SH3TC2: variants seen among roughly 807,000 people sequenced by gnomAD.
SH3TC2 encodes SH3 domain and tetratricopeptide repeats 2, also known as SH3 domain and tetratricopeptide repeat-containing protein 2.
In SH3TC2, 87 loss-of-function variants were observed where a neutral mutation model predicts 124.5. That is an observed-to-expected ratio of 0.70 (90% confidence interval 0.59 to 0.84). The LOEUF is 0.84. SH3TC2 is among the 40% of genes least tolerant of loss of function. SH3TC2 has a pLI of 0.00. For synonymous variants in SH3TC2, 634 were observed against 628.5 expected, an observed-to-expected ratio of 1.01 and a Z score of -0.13; for missense variants, 1,536 against 1,566.4, an observed-to-expected ratio of 0.98 and a Z score of 0.33.
chr5:149,010,543 T>G, intron 13 of SH3TC2, 151 bp from the exon 14 acceptor site: 1 of 1,017,796 alleles, frequency 9.8e-7, no homozygotes, highest in Admixed American at 2.3e-5. Flanking sequence ...CTAGGGCTGG[T>G]AAGAGGACTT....
Position 149,007,025 on chromosome 5 carries a change from G to C in SH3TC2, c.3531C>G (p.Tyr1177Ter). 6.2e-7 allele frequency: 1 copy of C among 1,614,218 alleles called. No homozygotes were observed. The highest frequency in any genetic ancestry group is 8.5e-7 in the Non-Finnish European group (1 of 1,180,034). Residue 1177 changes from tyrosine (Y) to a stop codon, truncating the protein, a stop_gained, in exon 16 of 17, where the codon TAC becomes TAG. Coordinates refer to ENST00000515425, the MANE Select transcript of SH3TC2 (RefSeq NM_024577.4). LOFTEE classifies it high-confidence loss of function. ...VAFHRLATVY[Y>*]SLHMYEMAED... is the part of the protein sequence containing the mutation. ...CAGCCATCTCATACATGTGCAGGGA[G>C]TAGTACACTGTAGCCAGGCGGTGAA...
At chr5:149,022,987 T>G (rs7702695) in intron 12 of SH3TC2, among the ~76,000 whole-genome samples, 1 of 152,108 alleles carries the variant, frequency 6.6e-6, no homozygotes, top group Non-Finnish European at 1.5e-5. Context: ...ACTGTGTGAA[T>G]ATACTGAAAA....
At chr5:149,060,471 T>C (rs1754727617) in intron 1 of SH3TC2, among the ~76,000 whole-genome samples, 1 of 152,006 alleles carries the variant, frequency 6.6e-6, no homozygotes, top group Non-Finnish European at 1.5e-5. Flanking sequence ...GTGCCTGGAG[T>C]AGTCAGAGTC....
In SH3TC2 at chr5:149,007,327, G is replaced by A. The variant is rs1256829621; in HGVS notation, c.3479-250C>T. Reference sequence around the variant, plus strand: ...TAAATGCTACAAAAGAAAATGCAGGGCTCTATAAGAGTGACTAAGTAGAGG... The same window carrying A: ...TAAATGCTACAAAAGAAAATGCAGGACTCTATAAGAGTGACTAAGTAGAGG... On this transcript the variant is annotated intron_variant, in intron 15 of 16. Transcript: ENST00000515425. 1.1e-5 allele frequency: 7 copies of A among 618,440 alleles called. No homozygotes were observed. In the East Asian group the frequency reaches 1.9e-4, roughly 17 times the overall value. The allele number at this position is 618,440 out of a possible 1,614,324, so 38.3% of individuals were successfully genotyped here. A position where few individuals can be genotyped will look rare whatever the true frequency, so the allele number is the denominator to read the frequency against.
At chr5:149,008,585 T>G (rs546401894) in intron 15 of SH3TC2, 100 of 536,916 alleles carry the variant, frequency 1.9e-4, no homozygotes, top group Middle Eastern at 5.2e-4. Context: ...GTACCCAGGA[T>G]TGTGCTATGG....
intron 12 of SH3TC2, among the ~76,000 whole-genome samples, chr5:149,023,726 GC>G (rs1754017142): frequency 6.6e-6 from 1 of 151,842 alleles, no homozygotes; most frequent in African/African-American, 2.4e-5. Flanking sequence ...GGGATTACAG[GC>G]ACCCACCACC....
At position 148,991,168 on chromosome 5, in the gene SH3TC2, G is replaced by T. The variant is rs1753414152; in HGVS notation, c.*13543C>A. 6.6e-6 allele frequency among the ~76,000 whole-genome samples: 1 copy of T among 152,056 alleles called. No individual in the cohort carries two copies. Among genetic ancestry groups the T allele is most frequent in the Non-Finnish European group, 1.5e-5 (1 of 68,014 alleles). On this transcript the variant is annotated 3_prime_UTR_variant, in exon 17 of 17. Coordinates refer to ENST00000515425, the MANE Select transcript of SH3TC2 (RefSeq NM_024577.4). Reference sequence around the variant, plus strand: ...GCAAAAGACCAATAACTACACATGGGGTAGAAATTAACATATGTAGAGGAC... The same window carrying T: ...GCAAAAGACCAATAACTACACATGGTGTAGAAATTAACATATGTAGAGGAC...
At position 148,990,198 on chromosome 5, in the gene SH3TC2, T is replaced by C. The variant is rs1753399850; in HGVS notation, c.*14513A>G. Among the ~76,000 whole-genome samples, 1 of 152,022 alleles carries C rather than the reference T, an allele frequency of 6.6e-6. No individual in the cohort carries two copies. The highest frequency in any genetic ancestry group is 2.1e-4 in the South Asian group (1 of 4,822). ...TTCTCTGATTTATTCCTGTCTCTGC[T>C]TGCACTTGCAGTTCCTTTCTCCTAC... On this transcript the variant is annotated 3_prime_UTR_variant, in exon 17 of 17. Transcript: ENST00000515425.
At chr5:149,011,607 C>A (rs995967039) in intron 13 of SH3TC2, among the ~76,000 whole-genome samples, 2 of 152,142 alleles carry the variant, frequency 1.3e-5, no homozygotes, top group Non-Finnish European at 2.9e-5. Context: ...AATCCTACTG[C>A]GTTTATAATG....
chr5:148,997,901 A>G lies in SH3TC2; in HGVS notation c.*6810T>C, dbSNP rs1406996938. On this transcript the variant is annotated 3_prime_UTR_variant, in exon 17 of 17. Transcript: ENST00000515425. The stretch of plus-strand genomic sequence containing the variant: ...TGAGACTTAATGCATAAAACACATT[A>G]ACCTCAACTGTTATTTTTATTTTGA... 2.6e-5 allele frequency among the ~76,000 whole-genome samples: 4 copies of G among 152,244 alleles called. No individual in the cohort carries two copies. Among genetic ancestry groups the G allele is most frequent in the Non-Finnish European group, 5.9e-5 (4 of 68,040 alleles).
At chr5:149,019,550 T>C (rs1486044563) in intron 12 of SH3TC2, among the ~76,000 whole-genome samples, 1 of 152,194 alleles carries the variant, frequency 6.6e-6, no homozygotes, top group Non-Finnish European at 1.5e-5. Context: ...CTATAAACTA[T>C]TCAAATTAAA....
Position 149,044,655 on chromosome 5 carries a change from A to G in SH3TC2, c.280-17T>C, listed in dbSNP as rs1321494016. On this transcript the variant is annotated splice_polypyrimidine_tract_variant and intron_variant, in intron 3 of 16. Coordinates refer to ENST00000515425, the MANE Select transcript of SH3TC2 (RefSeq NM_024577.4). ...TGAGAGGTCCTACGTAAAGGAAACA[A>G]TGAGTCAGCCTGGGATGACAGAAGT... is the stretch of plus-strand genomic sequence containing the variant. The G allele has an allele frequency of 1.3e-6, 2 of 1,597,422 alleles. No individual in the cohort carries two copies. Among genetic ancestry groups the G allele is most frequent in the Non-Finnish European group, 1.7e-6 (2 of 1,164,772 alleles).
chr5:149,042,438 G>A (rs1389133479), intron 5 of SH3TC2, among the ~76,000 whole-genome samples: 1 of 152,170 alleles, frequency 6.6e-6, no homozygotes, highest in African/African-American at 2.4e-5. Context: ...CCTAAGTGGA[G>A]CCCTGGCTTG....
At chr5:149,024,537 G>A (rs980799212) in intron 12 of SH3TC2, among the ~76,000 whole-genome samples, 5 of 152,180 alleles carry the variant, frequency 3.3e-5, no homozygotes, top group African/African-American at 1.2e-4. Context: ...ATAGCTAGCT[G>A]GTCCCAGACT....
intron 8 of SH3TC2, among the ~76,000 whole-genome samples, chr5:149,032,010 G>A (rs989413001): frequency 6.6e-6 from 1 of 152,128 alleles, no homozygotes; most frequent in Admixed American, 6.5e-5. Flanking sequence ...CATTCTTTGA[G>A]ACACCATGGT....
rs116056843 is a variant in SH3TC2 at position 148,998,201 on chromosome 5, C to T, written c.*6510G>A. ...TTGCATATGCACAAACATATGCACA[C>T]GAGGATAAACCATAAAATGCATTTC... On this transcript the variant is annotated 3_prime_UTR_variant, in exon 17 of 17. Coordinates refer to ENST00000515425, the MANE Select transcript of SH3TC2 (RefSeq NM_024577.4). 7.8e-3 allele frequency among the ~76,000 whole-genome samples: 1,191 copies of T among 152,250 alleles called. 14 individuals are homozygous for T. The highest frequency in any genetic ancestry group is 0.027 in the African/African-American group (1,106 of 41,526).
chr5:149,022,371 A>G (rs1170594822), intron 12 of SH3TC2, among the ~76,000 whole-genome samples: 2 of 152,116 alleles, frequency 1.3e-5, no homozygotes, highest in Non-Finnish European at 2.9e-5. Flanking sequence ...TGGCTAAAAT[A>G]AAAAAAAGAC....
At chr5:149,057,073 A>T (rs1397771384) in intron 1 of SH3TC2, among the ~76,000 whole-genome samples, 2 of 152,108 alleles carry the variant, frequency 1.3e-5, no homozygotes, top group Admixed American at 1.3e-4. Context: ...TGAAATATTA[A>T]TTTTTTGAAA....
chr5:149,022,544 T>C (rs1017548176), intron 12 of SH3TC2, among the ~76,000 whole-genome samples: 5 of 152,192 alleles, frequency 3.3e-5, no homozygotes, highest in Admixed American at 3.3e-4. Flanking sequence ...CCTAGGTCTA[T>C]GCAAGAGAAC....
Sources: allele counts gnomAD v4.1 joint callset (sites outside exome capture counted in the v4.1 genomes callset), GRCh38; gene constraint gnomAD v4.1.1; transcripts MANE v1.5; gene names NCBI Gene and HGNC (gene_info 2026-07-23, HGNC 2026-07-21).